RBM47: variants seen among roughly 807,000 people sequenced by gnomAD.
RBM47 encodes the protein RNA-binding protein 47.
A neutral mutation model predicts 47.1 loss-of-function variants in RBM47; 21 were observed. The observed-to-expected ratio is 0.45, with a 90% confidence interval of 0.32 to 0.64. The LOEUF (loss-of-function observed/expected upper bound fraction) is 0.64, where lower values mean the gene tolerates loss of function less well. Among genes scored for constraint, RBM47 ranks in the 30% least tolerant of loss-of-function variants. The pLI is 0.05. For missense variants in RBM47, 708 were observed against 870.9 expected, an observed-to-expected ratio of 0.81 and a Z score of 2.35; for synonymous variants, 375 against 361.7, an observed-to-expected ratio of 1.04 and a Z score of -0.42.
In RBM47 at chr4:40,423,650, CTTTTTCTT is replaced by C. The variant is rs1275734520; in HGVS notation, c.*2246_*2253del. ...TATCATTTTTTTTTATTCTTTCTTT[CTTTTTCTT>C]TCTTTCTTTCTTTCTTTCTTTCTTT... On this transcript the variant is annotated 3_prime_UTR_variant, in exon 7 of 7. Transcript: ENST00000295971. 6.7e-5 allele frequency: 9 copies of C among 135,016 alleles called. No homozygotes were observed. The highest frequency in any genetic ancestry group is 1.5e-4 in the Admixed American group (2 of 13,314). 8.4% of individuals were successfully genotyped at this position (135,016 alleles called of 1,614,324 possible).
At chr4:40,582,083 A>C (rs1022854027) in intron 1 of RBM47, among the ~76,000 whole-genome samples, 6 of 151,640 alleles carry the variant, frequency 4.0e-5, no homozygotes, top group African/African-American at 1.5e-4. Context: ...TACTGAGTCC[A>C]CTCCCAGAAC....
At chr4:40,454,496 T>C (rs13126565) in intron 3 of RBM47, among the ~76,000 whole-genome samples, 56,142 of 152,038 alleles carry the variant, frequency 0.37, 11,906 homozygotes, top group Non-Finnish European at 0.46. Flanking sequence ...TATTTACTTA[T>C]TTTTATTCAT....
At chr4:40,551,697 G>T (rs1441373602) in intron 1 of RBM47, among the ~76,000 whole-genome samples, 9 of 146,870 alleles carry the variant, frequency 6.1e-5, no homozygotes, top group African/African-American at 2.3e-4. Context: ...TGCCCAGGTT[G>T]GAGTGCAGTG....
At chr4:40,458,021 C>T (rs975524670) in intron 3 of RBM47, among the ~76,000 whole-genome samples, 2 of 152,124 alleles carry the variant, frequency 1.3e-5, no homozygotes, top group African/African-American at 4.8e-5. Flanking sequence ...CATAAACTTA[C>T]AGTCATTATA....
intron 2 of RBM47, among the ~76,000 whole-genome samples, chr4:40,489,493 C>G (rs1487520797): frequency 6.6e-6 from 1 of 152,092 alleles, no homozygotes. Flanking sequence ...GAAGTGACAA[C>G]ACTACTGACC....
intron 1 of RBM47, among the ~76,000 whole-genome samples, chr4:40,569,016 T>TAGAC (rs398063481): frequency 0.019 from 1,892 of 98,832 alleles, 38 homozygotes; most frequent in South Asian, 0.037. Flanking sequence ...GATAGATAGA[T>TAGAC]AGACAGACAG....
intron 1 of RBM47, among the ~76,000 whole-genome samples, chr4:40,603,795 T>G (rs570760347): frequency 6.6e-6 from 1 of 152,094 alleles, no homozygotes; most frequent in African/African-American, 2.4e-5. Context: ...AGAGACGGGG[T>G]TTCACCATGT....
At chr4:40,450,557 G>T (rs1043329793) in intron 3 of RBM47, among the ~76,000 whole-genome samples, 2 of 151,860 alleles carry the variant, frequency 1.3e-5, no homozygotes, top group South Asian at 2.1e-4. Flanking sequence ...AGCCAAGATC[G>T]CACCAATGCA....
At chr4:40,469,983 CTA>C (rs1718608485) in intron 2 of RBM47, among the ~76,000 whole-genome samples, 1 of 152,118 alleles carries the variant, frequency 6.6e-6, no homozygotes, top group African/African-American at 2.4e-5. Flanking sequence ...CAAGCAAAAC[CTA>C]TATGTTATGT....
rs1560336776 is a variant in RBM47 at position 40,423,639 on chromosome 4, ATTCTTTCTTTCTTTTTCT to A, written c.*2247_*2264del. 2 of 146,690 alleles carry A rather than the reference ATTCTTTCTTTCTTTTTCT, an allele frequency of 1.4e-5. No individual in the cohort carries two copies. Among genetic ancestry groups the A allele is most frequent in the Non-Finnish European group, 3.0e-5 (2 of 66,362 alleles). 9.1% of individuals were successfully genotyped at this position (146,690 alleles called of 1,614,324 possible). Reference sequence around the variant, plus strand: ...GGTTGCCATGTTATCATTTTTTTTTATTCTTTCTTTCTTTTTCTTTCTTTCTTTCTTTCTTTCTTTCTT... The same window carrying A: ...GGTTGCCATGTTATCATTTTTTTTTATTCTTTCTTTCTTTCTTTCTTTCTT... On this transcript the variant is annotated 3_prime_UTR_variant, in exon 7 of 7. Transcript: ENST00000295971.
intron 1 of RBM47, among the ~76,000 whole-genome samples, chr4:40,569,019 A>G (rs536475780): frequency 2.4e-5 from 3 of 127,166 alleles, no homozygotes; most frequent in Admixed American, 1.6e-4. Context: ...AGATAGATAG[A>G]CAGACAGACA....
At chr4:40,554,304 G>A (rs1379785974) in intron 1 of RBM47, among the ~76,000 whole-genome samples, 1 of 150,724 alleles carries the variant, frequency 6.6e-6, no homozygotes, top group African/African-American at 2.4e-5. Context: ...AACATACCAG[G>A]CACAACAGTA....
At chr4:40,580,102 A>G (rs552028733) in intron 1 of RBM47, among the ~76,000 whole-genome samples, 38 of 152,076 alleles carry the variant, frequency 2.5e-4, no homozygotes, top group Non-Finnish European at 4.4e-4. Flanking sequence ...AAGTTCCAAC[A>G]TGCCAAATAT....
At chr4:40,553,412 C>T (rs1462728596) in intron 1 of RBM47, among the ~76,000 whole-genome samples, 1 of 152,138 alleles carries the variant, frequency 6.6e-6, no homozygotes, top group East Asian at 1.9e-4. Context: ...ATTCTCCTGC[C>T]TCAGCCTCCC....
chr4:40,531,636 T>C (rs886671126), intron 2 of RBM47, among the ~76,000 whole-genome samples: 1 of 149,656 alleles, frequency 6.7e-6, no homozygotes, highest in Admixed American at 6.6e-5. Context: ...ATGCCAGTAA[T>C]GATGTGTGTT....
intron 2 of RBM47, among the ~76,000 whole-genome samples, chr4:40,487,714 A>C (rs1721298106): frequency 6.6e-6 from 1 of 152,214 alleles, no homozygotes; most frequent in South Asian, 2.1e-4. Context: ...GGCAAGCCCC[A>C]AGTATGAAGA....
intron 3 of RBM47, among the ~76,000 whole-genome samples, chr4:40,464,547 C>T (rs536267395): frequency 3.9e-5 from 6 of 152,048 alleles, no homozygotes; most frequent in South Asian, 2.1e-4. Flanking sequence ...CAGTTGACAA[C>T]GGGTAACTGA....
chr4:40,442,387 A>G (rs183612463), intron 3 of RBM47, among the ~76,000 whole-genome samples: 1 of 152,344 alleles, frequency 6.6e-6, no homozygotes, highest in Non-Finnish European at 1.5e-5. Context: ...ATTGGCAAGG[A>G]CGTGGAGAAA....
intron 1 of RBM47, among the ~76,000 whole-genome samples, chr4:40,561,367 G>C (rs1730608618): frequency 6.6e-6 from 1 of 151,322 alleles, no homozygotes; most frequent in Admixed American, 6.6e-5. Flanking sequence ...AAGTAGCTCG[G>C]ATTACAGGCA....
Sources: allele counts gnomAD v4.1 joint callset (sites outside exome capture counted in the v4.1 genomes callset), GRCh38; gene constraint gnomAD v4.1.1; transcripts MANE v1.5; gene names NCBI Gene and HGNC (gene_info 2026-07-23, HGNC 2026-07-21).